The following IFNG-AS1 variants were observed in gnomAD, a reference collection of about 807,000 sequenced individuals.
IFNG-AS1 encodes IFNG regulatory antisense RNA 1, also known as IFNG antisense RNA 1 (non-protein coding).
intron 2 of IFNG-AS1, among the ~76,000 whole-genome samples, chr12:68,000,202 T>C (rs1879736050): frequency 6.6e-6 from 1 of 152,202 alleles, no homozygotes; most frequent in Admixed American, 6.5e-5. Flanking sequence ...ATGGGAGTTC[T>C]GTGTACTGGC....
intron 2 of IFNG-AS1, among the ~76,000 whole-genome samples, chr12:68,005,473 C>A (rs1035129286): frequency 2.0e-5 from 3 of 152,164 alleles, no homozygotes; most frequent in Admixed American, 2.0e-4. Context: ...CTGTGTTAGG[C>A]TCAAACAGCA....
chr12:67,992,262 G>A (rs1021268581), intron 1 of IFNG-AS1, among the ~76,000 whole-genome samples: 2 of 152,108 alleles, frequency 1.3e-5, no homozygotes, highest in African/African-American at 4.8e-5. Flanking sequence ...AAATTGTTGA[G>A]GTTTATCCAT....
At chr12:68,010,139 C>A (rs1235026624) in intron 3 of IFNG-AS1, among the ~76,000 whole-genome samples, 1 of 152,170 alleles carries the variant, frequency 6.6e-6, no homozygotes, top group Non-Finnish European at 1.5e-5. Context: ...TCATTTGAAG[C>A]AAGTGAAACC....
chr12:67,991,100 G>C (rs1879501920), intron 1 of IFNG-AS1, among the ~76,000 whole-genome samples: 1 of 152,130 alleles, frequency 6.6e-6, no homozygotes. Context: ...AATGATACCA[G>C]ATAATGGCAA....
chr12:68,014,734 T>C (rs1303593127), intron 3 of IFNG-AS1, among the ~76,000 whole-genome samples: 2 of 152,052 alleles, frequency 1.3e-5, no homozygotes, highest in African/African-American at 4.8e-5. Context: ...GATTTTGAAC[T>C]GGCCAAGCCT....
intron 3 of IFNG-AS1, among the ~76,000 whole-genome samples, chr12:68,019,685 C>T (rs1031407126): frequency 1.2e-4 from 18 of 152,144 alleles, no homozygotes; most frequent in Non-Finnish European, 2.4e-4. Context: ...TCTAAGTAAA[C>T]TCTAATAAAA....
chr12:67,999,332 G>A (rs1879713864), intron 2 of IFNG-AS1, among the ~76,000 whole-genome samples: 2 of 152,180 alleles, frequency 1.3e-5, no homozygotes, highest in Admixed American at 6.5e-5. Flanking sequence ...AGAGCACCTA[G>A]ATCTTGCTTT....
At chr12:67,997,787 C>T (rs911583288) in intron 2 of IFNG-AS1, among the ~76,000 whole-genome samples, 1 of 151,660 alleles carries the variant, frequency 6.6e-6, no homozygotes, top group African/African-American at 2.4e-5. Flanking sequence ...ATATTAAAAA[C>T]TCCTAAAATT....
At chr12:68,006,301 C>T (rs375157647) in intron 3 of IFNG-AS1, among the ~76,000 whole-genome samples, 11 of 152,060 alleles carry the variant, frequency 7.2e-5, no homozygotes, top group East Asian at 3.9e-4. Flanking sequence ...AAAAAAATTC[C>T]GAATTTATTT....
At chr12:68,005,840 C>T (rs1204077981) in intron 2 of IFNG-AS1, among the ~76,000 whole-genome samples, 1 of 152,172 alleles carries the variant, frequency 6.6e-6, no homozygotes, top group African/African-American at 2.4e-5. Context: ...ACCTTTGTTT[C>T]TCATATTTAA....
chr12:67,999,510 C>T (rs1401592380), intron 2 of IFNG-AS1, among the ~76,000 whole-genome samples: 1 of 152,074 alleles, frequency 6.6e-6, no homozygotes, highest in East Asian at 1.9e-4. Flanking sequence ...GACACAGAAG[C>T]CAACTTGAAG....
At chr12:67,992,804 A>T (rs141973050) in intron 1 of IFNG-AS1, among the ~76,000 whole-genome samples, 4 of 152,346 alleles carry the variant, frequency 2.6e-5, no homozygotes, top group African/African-American at 9.6e-5. Context: ...GACTTTGCAC[A>T]GTAACAATGA....
chr12:68,009,282 A>T (rs561292583), intron 3 of IFNG-AS1, among the ~76,000 whole-genome samples: 1 of 152,216 alleles, frequency 6.6e-6, no homozygotes, highest in Non-Finnish European at 1.5e-5. Flanking sequence ...ACTCAGATGC[A>T]TCAGTATCAG....
chr12:68,021,215 T>A (rs1445971004), intron 4 of IFNG-AS1: 1 of 152,170 alleles, frequency 6.6e-6, no homozygotes, highest in African/African-American at 2.4e-5. Context: ...CTACAAGCAT[T>A]TAAAAAATGG....
intron 2 of IFNG-AS1, among the ~76,000 whole-genome samples, chr12:68,003,637 G>A (rs1446307179): frequency 1.3e-5 from 2 of 152,054 alleles, no homozygotes; most frequent in Admixed American, 6.5e-5. Flanking sequence ...GTATTAGGCC[G>A]GGCGTGGTGG....
At chr12:68,004,351 C>T (rs1177199573) in intron 2 of IFNG-AS1, among the ~76,000 whole-genome samples, 1 of 152,132 alleles carries the variant, frequency 6.6e-6, no homozygotes, top group East Asian at 1.9e-4. Flanking sequence ...AGAGGATCTT[C>T]CAAGCTTCCT....
At chr12:68,020,267 G>T (rs12826651) in intron 4 of IFNG-AS1, 4 of 152,150 alleles carry the variant, frequency 2.6e-5, no homozygotes, top group African/African-American at 7.2e-5. Flanking sequence ...GTCACATGCC[G>T]TAGGCAGCCA....
At chr12:68,002,886 T>C (rs192752936) in intron 2 of IFNG-AS1, among the ~76,000 whole-genome samples, 382 of 152,332 alleles carry the variant, frequency 2.5e-3, no homozygotes, top group African/African-American at 8.2e-3. Context: ...TGCTGTCATG[T>C]GCTGCGTTCA....
chr12:68,006,298 T>A (rs12582272), intron 3 of IFNG-AS1, among the ~76,000 whole-genome samples: 44,997 of 152,156 alleles, frequency 0.3, 6,913 homozygotes, highest in Non-Finnish European at 0.32. Flanking sequence ...TTCAAAAAAA[T>A]TCCGAATTTA....
Sources: gnomAD v4.1 joint callset for allele counts (sites outside exome capture counted in the v4.1 genomes callset) on GRCh38, gnomAD v4.1.1 for gene constraint, MANE v1.5 for transcripts, NCBI Gene and HGNC (gene_info 2026-07-23, HGNC 2026-07-21) for gene names.